Variants in VPS8 observed in about 807,000 individuals in gnomAD.
VPS8 encodes the protein vacuolar protein sorting-associated protein 8 homolog.
Under a neutral mutation model 216.4 loss-of-function variants are expected in VPS8, and 129 were observed. The ratio of observed to expected loss-of-function variants is 0.60; its 90% CI spans 0.52 to 0.69. The LOEUF (loss-of-function observed/expected upper bound fraction) is 0.69. Ranked by LOEUF, VPS8 falls within the 30% of genes least tolerant of loss-of-function variation. VPS8 has a pLI of 0.00. For synonymous variants in VPS8, 571 were observed against 565.4 expected, an observed-to-expected ratio of 1.01 and a Z score of -0.14; for missense variants, 1,531 against 1,683.5, an observed-to-expected ratio of 0.91 and a Z score of 1.59.
rs971648827 is a variant in VPS8, at chr3:184,932,975, A to G, written c.2898+2407A>G. ...ACATTTCTCTAAGGCAGTGATTCTCAGTTTCATCCCCAAACCAACATCACA... is the reference window on the plus strand; with the variant it reads ...ACATTTCTCTAAGGCAGTGATTCTCGGTTTCATCCCCAAACCAACATCACA... On this transcript the variant is annotated intron_variant, in intron 34 of 47. Coordinates refer to ENST00000625842, the MANE Select transcript of VPS8 (RefSeq NM_001009921.3). 2.3e-4 allele frequency among the ~76,000 whole-genome samples: 35 copies of G among 152,218 alleles called. 1 individual carries two copies. Among genetic ancestry groups the G allele is most frequent in the Non-Finnish European group, 1.0e-4 (7 of 68,052 alleles).
chr3:184,915,293 C>A, intron 27 of VPS8, 62 bp from the exon 28 acceptor site: 1 of 1,558,104 alleles, frequency 6.4e-7, no homozygotes, highest in Non-Finnish European at 8.7e-7. Context: ...ATGAGAATCA[C>A]TGCTTCAGCA....
intron 34 of VPS8, 24 bp from the exon 35 acceptor site, chr3:184,936,222 C>G (rs1325264448): frequency 6.3e-7 from 1 of 1,585,618 alleles, no homozygotes; most frequent in East Asian, 2.3e-5. Flanking sequence ...TTAGAGATGG[C>G]TTTGTCTTTT....
chr3:184,818,215 A>C (rs147466724), intron 1 of VPS8, among the ~76,000 whole-genome samples: 2 of 152,170 alleles, frequency 1.3e-5, no homozygotes, highest in Non-Finnish European at 2.9e-5. Flanking sequence ...TTTATCCTGG[A>C]GGCATTGGGA....
chr3:184,864,327 C>T (rs1458764134), intron 16 of VPS8, among the ~76,000 whole-genome samples: 2 of 152,036 alleles, frequency 1.3e-5, no homozygotes, highest in South Asian at 2.1e-4. Context: ...CCAAATGGAG[C>T]CTGGAAGACT....
At position 184,898,560 on chromosome 3, in the gene VPS8, C is replaced by A; in HGVS notation, c.2005-5C>A. 6.5e-7 allele frequency: 1 copy of A among 1,548,216 alleles called. No individual in the cohort carries two copies. The highest frequency in any genetic ancestry group is 1.2e-5 in the South Asian group (1 of 83,466). ...TATGGACCAAGTGGCTTTTCCTTTT[C>A]ACAGGTAGTTCTCATGTGTTGGGAA... On this transcript the variant is annotated splice_polypyrimidine_tract_variant and splice_region_variant and intron_variant, in intron 23 of 47. Coordinates refer to ENST00000625842, the MANE Select transcript of VPS8 (RefSeq NM_001009921.3).
At chr3:184,894,211 A>G (rs1732902159) in intron 22 of VPS8, among the ~76,000 whole-genome samples, 1 of 152,144 alleles carries the variant, frequency 6.6e-6, no homozygotes, top group Non-Finnish European at 1.5e-5. Flanking sequence ...CAGGTCAGCT[A>G]GGAATATTTA....
chr3:184,930,158 TG>T (rs1212815444), intron 33 of VPS8, among the ~76,000 whole-genome samples: 4 of 151,780 alleles, frequency 2.6e-5, no homozygotes, highest in African/African-American at 9.7e-5. Flanking sequence ...AGGGCAGGAG[TG>T]GTTTCTGCTG....
chr3:184,842,877 T>G (rs958702660), intron 7 of VPS8, among the ~76,000 whole-genome samples: 5 of 152,126 alleles, frequency 3.3e-5, no homozygotes, highest in African/African-American at 1.2e-4. Context: ...GTCTTAAAAG[T>G]TCAAATCTTA....
chr3:184,999,742 A>C lies in VPS8; in HGVS notation c.3883A>C (p.Thr1295Pro). The C allele has an allele frequency of 6.2e-7, 1 of 1,613,498 alleles. No individual in the cohort carries two copies. The highest frequency in any genetic ancestry group is 8.5e-7 in the Non-Finnish European group (1 of 1,179,708). Reference sequence around the variant, plus strand: ...ATTCTGCCTACAAAACAAAGAATGCACTGTGGAATTTGAGGGCCAAACAAG... The same window carrying C: ...ATTCTGCCTACAAAACAAAGAATGCCCTGTGGAATTTGAGGGCCAAACAAG... ...HSFCLQNKECTVEFEGQTRWT... is the reference protein window; with the variant it reads ...HSFCLQNKECPVEFEGQTRWT... Residue 1295 changes from threonine (T) to proline (P), a missense_variant, in exon 45 of 48, where the codon ACT (threonine) becomes CCT (proline). By Grantham distance (38) the Thr-to-Pro change is conservative. Around this residue, in one of 3 missense-constraint regions of VPS8, gnomAD observed 1,318 missense variants for 1,468.4 expected, o/e 0.90. Transcript: ENST00000625842.
intron 45 of VPS8, among the ~76,000 whole-genome samples, chr3:185,023,353 A>C (rs7430902): frequency 6.6e-6 from 1 of 152,038 alleles, no homozygotes; most frequent in African/African-American, 2.4e-5. Flanking sequence ...TGACCCCTTT[A>C]TTATTATGGG....
At chr3:185,016,484 T>C (rs1755813698) in intron 45 of VPS8, among the ~76,000 whole-genome samples, 1 of 152,250 alleles carries the variant, frequency 6.6e-6, no homozygotes, top group African/African-American at 2.4e-5. Flanking sequence ...TAACATGCCT[T>C]GTAGCAACAC....
In VPS8 at chr3:185,019,722, C is replaced by T. The variant is rs887726167; in HGVS notation, c.4003-4614C>T. ...TCCAGCGTGGGCGTCATGGCCATCACGAGCATGTCACAATGCTGTAGAGAT... is the reference window on the plus strand; with the variant it reads ...TCCAGCGTGGGCGTCATGGCCATCATGAGCATGTCACAATGCTGTAGAGAT... On this transcript the variant is annotated intron_variant, in intron 45 of 47. Transcript: ENST00000625842. Among the ~76,000 whole-genome samples the T allele has an allele frequency of 3.9e-5, 6 of 152,312 alleles. 1 individual carries two copies. Among genetic ancestry groups the T allele is most frequent in the Middle Eastern group, 6.8e-3 (2 of 294 alleles).
chr3:184,956,543 T>A (rs1269821875), intron 36 of VPS8, among the ~76,000 whole-genome samples: 1 of 152,220 alleles, frequency 6.6e-6, no homozygotes, highest in East Asian at 1.9e-4. Context: ...AGTTGAGGAA[T>A]TCCGAAGAGA....
At chr3:184,888,374 T>C (rs1731703914) in intron 22 of VPS8, among the ~76,000 whole-genome samples, 1 of 152,198 alleles carries the variant, frequency 6.6e-6, no homozygotes, top group African/African-American at 2.4e-5. Flanking sequence ...ACAAATACCT[T>C]TGTGTCTCTT....
intron 46 of VPS8, among the ~76,000 whole-genome samples, chr3:185,026,393 G>A (rs888348084): frequency 1.3e-5 from 2 of 150,706 alleles, no homozygotes; most frequent in Non-Finnish European, 2.9e-5. Flanking sequence ...CACAGATATC[G>A]AGGGATGGCT....
At chr3:184,985,643 G>C (rs542231887) in intron 42 of VPS8, among the ~76,000 whole-genome samples, 20 of 152,324 alleles carry the variant, frequency 1.3e-4, no homozygotes, top group African/African-American at 4.8e-4. Context: ...CCTGGGTCCA[G>C]CTGATTGACT....
intron 36 of VPS8, among the ~76,000 whole-genome samples, chr3:184,954,995 C>CG (rs1237583514): frequency 6.6e-6 from 1 of 152,154 alleles, no homozygotes; most frequent in Non-Finnish European, 1.5e-5. Flanking sequence ...ACCTAGAAGG[C>CG]AAGAGGTGAG....
At chr3:184,958,192 A>G (rs545192382) in intron 37 of VPS8, among the ~76,000 whole-genome samples, 3 of 152,250 alleles carry the variant, frequency 2.0e-5, no homozygotes, top group African/African-American at 4.8e-5. Flanking sequence ...AGGGGAGAAA[A>G]TCATAGATTG....
chr3:184,855,544 C>G (rs1725078637), intron 13 of VPS8, among the ~76,000 whole-genome samples, 167 bp from the exon 14 acceptor site: 1 of 152,174 alleles, frequency 6.6e-6, no homozygotes, highest in Non-Finnish European at 1.5e-5. Context: ...TACCATCAAC[C>G]CAGAAAGTTC....
Sources: allele counts gnomAD v4.1 joint callset (sites outside exome capture counted in the v4.1 genomes callset), GRCh38; gene constraint gnomAD v4.1.1; regional missense constraint gnomAD v4.1.1; transcripts MANE v1.5; gene names NCBI Gene and HGNC (gene_info 2026-07-23, HGNC 2026-07-21).